Variants in CWC22 observed in about 807,000 individuals in gnomAD.
The protein encoded by CWC22 is CWC22 spliceosome associated protein.
Under a neutral mutation model 117.2 loss-of-function variants are expected in CWC22, and 53 were observed. The observed-to-expected ratio is 0.45, with a 90% CI of 0.36 to 0.57. The LOEUF is 0.57. Ranked by LOEUF, CWC22 falls within the 20% of genes least tolerant of loss-of-function variation. The probability of loss-of-function intolerance (pLI) is 0.00; values close to 1 mark genes in which losing one functional copy is unlikely to be tolerated. For missense variants in CWC22, 980 were observed against 1,068.8 expected, an observed-to-expected ratio of 0.92 and a Z score of 1.16; for synonymous variants, 360 against 355.6, an observed-to-expected ratio of 1.01 and a Z score of -0.14.
In CWC22 at chr2:179,945,647, G is replaced by A; in HGVS notation, c.2209C>T (p.Gln737Ter). The A allele has an allele frequency of 6.2e-7, 1 of 1,611,752 alleles. No individual in the cohort carries two copies. Among genetic ancestry groups the A allele is most frequent in the Non-Finnish European group, 8.5e-7 (1 of 1,179,466 alleles). ...SKEVDKLIRN[Q>*]QTNDRKQKER... is the part of the protein sequence containing the mutation. ...TTTTGTTTCCTATCATTTGTTTGCT[G>A]GTTTCTGATCAATTTATCTACCTCT... is the stretch of plus-strand genomic sequence containing the variant. Residue 737 changes from glutamine to a stop codon, truncating the protein, a stop_gained, in exon 20 of 20, where the codon CAG (glutamine) becomes TAG (stop). Transcript: ENST00000410053. LOFTEE classifies it high-confidence loss of function.
chr2:179,991,828 G>A (rs964571406), intron 2 of CWC22, among the ~76,000 whole-genome samples: 10 of 152,240 alleles, frequency 6.6e-5, no homozygotes, highest in South Asian at 4.1e-4. Context: ...CAAAAAGGCC[G>A]ATTTGAGAAC....
At chr2:179,968,807 C>A (rs1416413167) in intron 11 of CWC22, among the ~76,000 whole-genome samples, 3 of 152,010 alleles carry the variant, frequency 2.0e-5, no homozygotes, top group African/African-American at 7.2e-5. Context: ...ACCTCGTGAT[C>A]CGCCCACCTC....
chr2:179,986,683 C>G lies in CWC22; in HGVS notation c.206+12G>C. On this transcript the variant is annotated intron_variant, in intron 4 of 19. Transcript: ENST00000410053. ...TACAATTTTCTACAAGTTAGAAATTCCCAACACTAACCGTGACTCCATGCT... is the reference window on the plus strand; with the variant it reads ...TACAATTTTCTACAAGTTAGAAATTGCCAACACTAACCGTGACTCCATGCT... 6.8e-7 allele frequency: 1 copy of G among 1,471,226 alleles called. No homozygotes were observed. The highest frequency in any genetic ancestry group is 9.4e-7 in the Non-Finnish European group (1 of 1,063,282). 91.1% of individuals were successfully genotyped at this position (1,471,226 alleles called of 1,614,324 possible).
chr2:179,945,938 A>G (rs1289733170), intron 19 of CWC22, among the ~76,000 whole-genome samples: 2 of 152,110 alleles, frequency 1.3e-5, no homozygotes, highest in Admixed American at 1.3e-4. Flanking sequence ...GCTGGAGTGC[A>G]GTGGCGCAAT....
At chr2:179,989,681 C>T (rs1687511304) in intron 2 of CWC22, among the ~76,000 whole-genome samples, 1 of 152,068 alleles carries the variant, frequency 6.6e-6, no homozygotes. Flanking sequence ...CAGTTTGAGA[C>T]TACATCCTAA....
intron 11 of CWC22, among the ~76,000 whole-genome samples, chr2:179,969,602 G>C (rs2105526580): frequency 6.6e-6 from 1 of 152,232 alleles, no homozygotes; most frequent in East Asian, 1.9e-4. Flanking sequence ...TTGCCCAATG[G>C]TGCTGTTAGC....
At chr2:180,001,975 CCTT>C (rs1212784721) in intron 1 of CWC22, among the ~76,000 whole-genome samples, 5 of 152,192 alleles carry the variant, frequency 3.3e-5, no homozygotes, top group Non-Finnish European at 5.9e-5. Flanking sequence ...AATGAATAGT[CCTT>C]ATCTTTTCTT....
In CWC22 at chr2:179,973,244, T is replaced by C; in HGVS notation, c.753A>G (p.Gln251=). The change falls in exon 8 of 20, where the codon CAA becomes CAG. Residue 251 remains glutamine, a splice_region_variant and synonymous_variant. Coordinates refer to ENST00000410053, the MANE Select transcript of CWC22 (RefSeq NM_020943.3). ...CAAATTTTGAAGCAGTCAGGCAAAG[T>C]TGCTGAAAAATAAAGGTGGAAAGTT... is the stretch of plus-strand genomic sequence containing the variant. ...FRKGYRRNDK[Q]LCLTASKFVA... 6.3e-7 allele frequency: 1 copy of C among 1,597,244 alleles called. No individual in the cohort carries two copies.
rs774947016 is a variant in CWC22, at chr2:179,963,335, C to CTTTTTTTT, written c.1397+1204_1397+1211dup. Among the ~76,000 whole-genome samples, 33 of 82,068 alleles carry CTTTTTTTT rather than the reference C, an allele frequency of 4.0e-4. 1 individual carries two copies. Among genetic ancestry groups the CTTTTTTTT allele is most frequent in the African/African-American group, 6.8e-4 (13 of 18,986 alleles). The allele number at this position is 82,068 out of a possible 152,430, so 53.8% of individuals were successfully genotyped here. A position where few individuals can be genotyped will look rare whatever the true frequency, so the allele number is the denominator to read the frequency against. ...AGTTTATATGAAAAAATATTTAATA[C>CTTTTTTTT]TTTTTTTTTTTTTTTTTTTTTTTTT... is the stretch of plus-strand genomic sequence containing the variant. On this transcript the variant is annotated intron_variant, in intron 13 of 19. Coordinates refer to ENST00000410053, the MANE Select transcript of CWC22 (RefSeq NM_020943.3).
intron 2 of CWC22, among the ~76,000 whole-genome samples, chr2:179,992,867 T>G (rs914861751): frequency 3.3e-5 from 5 of 152,226 alleles, no homozygotes; most frequent in African/African-American, 9.6e-5. Flanking sequence ...ATCCATCTAT[T>G]CATAAGAAAT....
chr2:179,970,571 A>C lies in CWC22; in HGVS notation c.1148-8T>G, dbSNP rs1687007048. On this transcript the variant is annotated splice_polypyrimidine_tract_variant and splice_region_variant and intron_variant, in intron 10 of 19. Coordinates refer to ENST00000410053, the MANE Select transcript of CWC22 (RefSeq NM_020943.3). ...GATCCATCTTGAAAACATCTAAAAA[A>C]AATGTAAAAGTTAATGTTTATTTTC... 6.4e-7 allele frequency: 1 copy of C among 1,550,616 alleles called. No individual in the cohort carries two copies. Among genetic ancestry groups the C allele is most frequent in the Non-Finnish European group, 8.7e-7 (1 of 1,146,442 alleles).
intron 2 of CWC22, among the ~76,000 whole-genome samples, chr2:179,990,609 G>A (rs1029515197): frequency 1.3e-5 from 2 of 151,978 alleles, no homozygotes; most frequent in African/African-American, 4.8e-5. Context: ...GGAGAGGAGA[G>A]AGGAGAAGAC....
At chr2:179,980,419 A>ATTT (rs34435290) in intron 5 of CWC22, among the ~76,000 whole-genome samples, 10 of 136,534 alleles carry the variant, frequency 7.3e-5, no homozygotes, top group South Asian at 4.5e-4. Context: ...GACATTTCTT[A>ATTT]TTTTTTTTTT....
intron 1 of CWC22, among the ~76,000 whole-genome samples, chr2:180,000,890 T>C (rs1575661051): frequency 6.6e-6 from 1 of 152,266 alleles, no homozygotes; most frequent in South Asian, 2.1e-4. Flanking sequence ...ACATTATAAA[T>C]TGGGAGGTAG....
At chr2:179,959,163 G>T in intron 13 of CWC22, 81 bp from the exon 14 acceptor site, 1 of 833,686 alleles carries the variant, frequency 1.2e-6, no homozygotes, top group Non-Finnish European at 1.9e-6. Flanking sequence ...CTTTAATAAT[G>T]GTTTTAAATC....
chr2:179,984,361 G>A (rs1484600632), intron 4 of CWC22, among the ~76,000 whole-genome samples: 6 of 151,982 alleles, frequency 3.9e-5, no homozygotes, highest in Non-Finnish European at 7.4e-5. Context: ...ACCAATTATG[G>A]TACTAGTAGT....
At chr2:179,947,271 T>A (rs572509740) in intron 19 of CWC22, among the ~76,000 whole-genome samples, 1 of 152,306 alleles carries the variant, frequency 6.6e-6, no homozygotes, top group Non-Finnish European at 1.5e-5. Flanking sequence ...ATTTCTCTGG[T>A]TCCTATCAAA....
chr2:179,962,613 A>G (rs1223075923), intron 13 of CWC22, among the ~76,000 whole-genome samples: 3 of 152,050 alleles, frequency 2.0e-5, no homozygotes, highest in Admixed American at 2.0e-4. Context: ...TATTTTGATT[A>G]TTTGTGGTAG....
chr2:179,945,347 T>C lies in CWC22; in HGVS notation c.2509A>G (p.Thr837Ala). The C allele has an allele frequency of 6.2e-7, 1 of 1,612,982 alleles. No individual in the cohort carries two copies. Among genetic ancestry groups the C allele is most frequent in the Non-Finnish European group, 8.5e-7 (1 of 1,179,564 alleles). Residue 837 changes from threonine to alanine, a missense_variant, in exon 20 of 20, where the codon ACA becomes GCA. Transcript: ENST00000410053. Reference protein sequence around the residue: ...RNSFSENEKHTHRIKDSENFR... With the variant: ...RNSFSENEKHAHRIKDSENFR... Reference sequence around the variant, plus strand: ...TTTTCACTGTCTTTAATTCGGTGTGTATGCTTCTCATTTTCAGAAAAAGAA... The same window carrying C: ...TTTTCACTGTCTTTAATTCGGTGTGCATGCTTCTCATTTTCAGAAAAAGAA...
Sources: allele counts gnomAD v4.1 joint callset (sites outside exome capture counted in the v4.1 genomes callset), GRCh38; gene constraint gnomAD v4.1.1; transcripts MANE v1.5; gene names NCBI Gene and HGNC (gene_info 2026-07-23, HGNC 2026-07-21).